SIPA1L2: variants seen among roughly 807,000 people sequenced by gnomAD.
SIPA1L2 encodes the protein signal-induced proliferation-associated 1-like protein 2.
In SIPA1L2, 56 loss-of-function variants were observed where a neutral mutation model predicts 163.9. The observed-to-expected ratio is 0.34, with a 90% CI of 0.28 to 0.43. SIPA1L2 has a LOEUF of 0.43. SIPA1L2 is among the 20% of genes least tolerant of loss of function. The pLI is 1.00. For missense variants in SIPA1L2, 1,974 were observed against 2,193.5 expected (o/e 0.90, Z 2.00); for synonymous variants, 877 against 865.7 (o/e 1.01, Z -0.23).
intron 2 of SIPA1L2, among the ~76,000 whole-genome samples, chr1:232,568,423 A>C (rs959778405): frequency 6.6e-6 from 1 of 152,236 alleles, no homozygotes; most frequent in African/African-American, 2.4e-5. Flanking sequence ...TGGTCATGGA[A>C]GTCTTCTTTG....
chr1:232,455,713 T>TGAAAAAA (rs1663868946), intron 10 of SIPA1L2, among the ~76,000 whole-genome samples: 1 of 58,104 alleles, frequency 1.7e-5, no homozygotes, highest in Non-Finnish European at 3.0e-5. Context: ...AGACTCTGTC[T>TGAAAAAA]CAAAAAAAAA....
chr1:232,597,409 G>A (rs1661316751), intron 1 of SIPA1L2, among the ~76,000 whole-genome samples: 1 of 151,864 alleles, frequency 6.6e-6, no homozygotes, highest in African/African-American at 2.4e-5. Flanking sequence ...CGGGCGCGGT[G>A]GCTCACACCT....
At chr1:232,588,954 T>C (rs541498775) in intron 1 of SIPA1L2, among the ~76,000 whole-genome samples, 248 of 152,332 alleles carry the variant, frequency 1.6e-3, no homozygotes, top group African/African-American at 5.2e-3. Flanking sequence ...ATTTCTGATA[T>C]GGTAGATTAT....
intron 3 of SIPA1L2, among the ~76,000 whole-genome samples, chr1:232,499,485 T>C (rs1259608009): frequency 2.0e-5 from 3 of 152,198 alleles, no homozygotes; most frequent in Non-Finnish European, 4.4e-5. Flanking sequence ...GCCCTATCTC[T>C]CTTCAATTCT....
rs1237306316 is a variant in SIPA1L2 at position 232,411,416 on chromosome 1, G to T, written c.4762+4078C>A. 2.0e-5 allele frequency among the ~76,000 whole-genome samples: 3 copies of T among 152,152 alleles called. No homozygotes were observed. The South Asian group carries it at 6.2e-4, about 31-fold the overall frequency. On this transcript the variant is annotated intron_variant, in intron 19 of 22. Coordinates refer to ENST00000674635, the MANE Select transcript of SIPA1L2 (RefSeq NM_020808.5). ...AGGGAGATGGCACAGTTCTGCACAG[G>T]TCATTTTGGTCCCACTGTCTTCTTC...
chr1:232,608,058 A>G (rs1028208572), intron 1 of SIPA1L2, among the ~76,000 whole-genome samples: 4 of 150,642 alleles, frequency 2.7e-5, no homozygotes, highest in Non-Finnish European at 5.9e-5. Context: ...AAAAAAAAAA[A>G]AAAAAAAAAA....
chr1:232,514,792 T>C lies in SIPA1L2; in HGVS notation c.548A>G (p.Asn183Ser). Reference sequence around the variant, plus strand: ...CTCCCTGTGCAGGGCAGCCCCGGTGTTGGGGTTGACTGCATTTTGGTCTAA... The same window carrying C: ...CTCCCTGTGCAGGGCAGCCCCGGTGCTGGGGTTGACTGCATTTTGGTCTAA... Reference protein sequence around the residue: ...DVLDQNAVNPNTGAALHREYG... With the variant: ...DVLDQNAVNPSTGAALHREYG... Residue 183 changes from asparagine to serine, a missense_variant, in exon 3 of 23, where the codon AAC becomes AGC. Asn to Ser is a conservative substitution (Grantham distance 46). Around this residue, in one of 3 missense-constraint regions of SIPA1L2, gnomAD observed 607 missense variants for 624.0 expected, o/e 0.97. Transcript: ENST00000674635. The C allele has an allele frequency of 1.9e-6, 3 of 1,614,146 alleles. No homozygotes were observed. The highest frequency in any genetic ancestry group is 1.3e-5 in the African/African-American group (1 of 75,030).
intron 2 of SIPA1L2, among the ~76,000 whole-genome samples, chr1:232,520,912 A>T (rs1667432013): frequency 6.6e-6 from 1 of 152,238 alleles, no homozygotes; most frequent in African/African-American, 2.4e-5. Context: ...AATGGCTATA[A>T]AACAACCCAT....
rs1183979575 is a variant in SIPA1L2, at chr1:232,493,646, A to G, written c.1498T>C (p.Phe500Leu). The change falls in exon 4 of 23, where the codon TTT becomes CTT. Residue 500 changes from phenylalanine (F) to leucine (L), a missense_variant. This residue lies in a region of SIPA1L2 where 607 missense variants were observed against 624.0 expected (regional missense o/e 0.97). Coordinates refer to ENST00000674635, the MANE Select transcript of SIPA1L2 (RefSeq NM_020808.5). ...GGACCAAGGTTTTCATCTATTCCAA[A>G]GTAGTTTTGGTGCTCTATAATGGAA... ...FFYGKEHQNY[F>L]GIDENLGPVA... The G allele has an allele frequency of 6.2e-7, 1 of 1,614,064 alleles. No individual in the cohort carries two copies. The highest frequency in any genetic ancestry group is 1.7e-5 in the Admixed American group (1 of 60,018).
chr1:232,587,976 G>A (rs1164979486), intron 1 of SIPA1L2, among the ~76,000 whole-genome samples: 1 of 152,176 alleles, frequency 6.6e-6, no homozygotes, highest in African/African-American at 2.4e-5. Context: ...ATGTGGTACT[G>A]TGGGTCCATT....
intron 2 of SIPA1L2, among the ~76,000 whole-genome samples, chr1:232,544,001 T>C (rs1657854605): frequency 1.3e-5 from 2 of 152,226 alleles, no homozygotes; most frequent in African/African-American, 4.8e-5. Context: ...TCAAGTCAAC[T>C]GTACTTCAGA....
chr1:232,495,884 CAAAG>C (rs1484705791), intron 3 of SIPA1L2, among the ~76,000 whole-genome samples: 6 of 151,870 alleles, frequency 4.0e-5, no homozygotes, highest in Non-Finnish European at 8.8e-5. Flanking sequence ...ATAATAGATA[CAAAG>C]AAAGCATTTT....
rs34854572 is a variant in SIPA1L2, at chr1:232,563,956, C to CGTGTGTGT, written c.-270+10210_-270+10217dup. On this transcript the variant is annotated intron_variant, in intron 2 of 22. Transcript: ENST00000674635. ...ACGACAAAGGTTTGTTTTTTTTTTTCGTGTGTGTGTGTGTGTGTGTGTGTG... is the reference window on the plus strand; with the variant it reads ...ACGACAAAGGTTTGTTTTTTTTTTTCGTGTGTGTGTGTGTGTGTGTGTGTGTGTGTGTG... 2.9e-3 allele frequency among the ~76,000 whole-genome samples: 208 copies of CGTGTGTGT among 72,184 alleles called. 5 individuals carry two copies. Among genetic ancestry groups the CGTGTGTGT allele is most frequent in the African/African-American group, 9.6e-3 (124 of 12,902 alleles). The allele number at this position is 72,184 out of a possible 152,430, so 47.4% of individuals were successfully genotyped here. A position where few individuals can be genotyped will look rare whatever the true frequency, so the allele number is the denominator to read the frequency against.
chr1:232,522,039 T>A (rs991756768), intron 2 of SIPA1L2, among the ~76,000 whole-genome samples: 1 of 152,132 alleles, frequency 6.6e-6, no homozygotes, highest in Non-Finnish European at 1.5e-5. Context: ...AAACACCCAG[T>A]GCTCATCCTG....
At chr1:232,446,701 T>C (rs1309423623) in intron 10 of SIPA1L2, among the ~76,000 whole-genome samples, 1 of 152,264 alleles carries the variant, frequency 6.6e-6, no homozygotes, top group African/African-American at 2.4e-5. Flanking sequence ...TCTCTGTCTG[T>C]AGTTCCTCCT....
intron 9 of SIPA1L2, chr1:232,462,335 T>C (rs1243555872): frequency 6.5e-7 from 1 of 1,540,922 alleles, no homozygotes; most frequent in Non-Finnish European, 8.7e-7. Flanking sequence ...ATGTATGAAG[T>C]TTCAGTTTAA....
chr1:232,581,489 T>C (rs1206609836), intron 1 of SIPA1L2, among the ~76,000 whole-genome samples: 2 of 152,122 alleles, frequency 1.3e-5, no homozygotes, highest in African/African-American at 2.4e-5. Context: ...TCTGACAATG[T>C]TTGAGCCCCT....
At chr1:232,612,040 G>A (rs1419991934) in intron 1 of SIPA1L2, among the ~76,000 whole-genome samples, 1 of 152,198 alleles carries the variant, frequency 6.6e-6, no homozygotes, top group Non-Finnish European at 1.5e-5. Flanking sequence ...ACTGAAAGGG[G>A]TCAGCGTTGA....
intron 3 of SIPA1L2, among the ~76,000 whole-genome samples, chr1:232,511,637 G>C (rs75146962): frequency 0.018 from 2,712 of 152,232 alleles, 79 homozygotes; most frequent in African/African-American, 0.061. Context: ...GAAGTGGACA[G>C]AGTGACCTCC....
Sources: allele counts gnomAD v4.1 joint callset (sites outside exome capture counted in the v4.1 genomes callset), GRCh38; gene constraint gnomAD v4.1.1; regional missense constraint gnomAD v4.1.1; transcripts MANE v1.5; gene names NCBI Gene and HGNC (gene_info 2026-07-23, HGNC 2026-07-21).